Variants in WHRN observed in about 807,000 individuals in gnomAD.
The protein encoded by WHRN is CASK-interacting protein CIP98.
Under a neutral mutation model 68.3 loss-of-function variants are expected in WHRN, and 41 were observed. The observed-to-expected ratio is 0.60, with a 90% CI of 0.47 to 0.78. WHRN has a LOEUF of 0.78. Among genes scored for constraint, WHRN ranks in the 30% least tolerant of loss-of-function variants. The probability of loss-of-function intolerance (pLI) is 0.00; values close to 1 mark genes in which losing one functional copy is unlikely to be tolerated. For missense variants in WHRN, 1,243 were observed against 1,244.7 expected, an observed-to-expected ratio of 1.00 and a Z score of 0.02; for synonymous variants, 560 against 561.3, an observed-to-expected ratio of 1.00 and a Z score of 0.03.
At chr9:114,425,769 A>T (rs779878846) in intron 4 of WHRN, 6 of 265,590 alleles carry the variant, frequency 2.3e-5, no homozygotes, top group Non-Finnish European at 4.4e-5. Flanking sequence ...TGGCAACTGG[A>T]TCTCAGTTTA....
intron 7 of WHRN, among the ~76,000 whole-genome samples, chr9:114,417,565 C>A (rs1168919595): frequency 6.6e-6 from 1 of 152,196 alleles, no homozygotes; most frequent in East Asian, 1.9e-4. Flanking sequence ...GAGGTTAAAG[C>A]AATGTGACAA....
intron 9 of WHRN, among the ~76,000 whole-genome samples, chr9:114,404,578 C>T (rs1834890935): frequency 6.6e-6 from 1 of 151,990 alleles, no homozygotes; most frequent in South Asian, 2.1e-4. Flanking sequence ...GGGCACATGC[C>T]CTCCAGCCAC....
chr9:114,473,996 G>A (rs899113261), intron 2 of WHRN, among the ~76,000 whole-genome samples: 12 of 151,948 alleles, frequency 7.9e-5, no homozygotes, highest in African/African-American at 2.9e-4. Context: ...CAACACACTC[G>A]CCCTCCCATC....
rs562794539 is a variant in WHRN at position 114,487,208 on chromosome 9, T to TA, written c.619-8438dup. ...AAAAAATTTTTTTTTTTTTTTTGTC[T>TA]AACAAGAAATTCTGGGTACTGTAGA... On this transcript the variant is annotated intron_variant, in intron 1 of 11. Coordinates refer to ENST00000362057, the MANE Select transcript of WHRN (RefSeq NM_015404.4). Among the ~76,000 whole-genome samples, 816 of 148,630 alleles carry TA rather than the reference T, an allele frequency of 5.5e-3. 1 individual carries two copies. Among genetic ancestry groups the TA allele is most frequent in the Non-Finnish European group, 8.0e-3 (535 of 67,262 alleles).
intron 1 of WHRN, among the ~76,000 whole-genome samples, chr9:114,485,416 C>T (rs944661455): frequency 6.6e-6 from 1 of 152,212 alleles, no homozygotes; most frequent in Non-Finnish European, 1.5e-5. Flanking sequence ...GCTGGTCAGG[C>T]GCAGTGGCTC....
Position 114,408,038 on chromosome 9 carries a change from C to T in WHRN, c.1627-20G>A, listed in dbSNP as rs1307115740. The T allele has an allele frequency of 3.0e-5, 47 of 1,577,356 alleles. No homozygotes were observed. The highest frequency in any genetic ancestry group is 4.0e-5 in the Non-Finnish European group (46 of 1,157,898). On this transcript the variant is annotated intron_variant, in intron 7 of 11. Transcript: ENST00000362057. The stretch of plus-strand genomic sequence containing the variant: ...AGTGTTCTAGAAATGGACGAGAAAG[C>T]AAAGTGAGCAAACAGAAGCTGAGAA...
rs373081745 is a variant in WHRN, at chr9:114,491,356, AAAT to A, written c.619-12588_619-12586del. Among the ~76,000 whole-genome samples, 517 of 152,382 alleles carry A rather than the reference AAAT, an allele frequency of 3.4e-3. 3 individuals are homozygous for A. The highest frequency in any genetic ancestry group is 0.012 in the African/African-American group (485 of 41,588). ...AAAACCTACTCGGCCGATGTCTGAAAAATAATGATAGATTTGATGACACTGAAA... is the reference window on the plus strand; with the variant it reads ...AAAACCTACTCGGCCGATGTCTGAAAAATGATAGATTTGATGACACTGAAA... On this transcript the variant is annotated intron_variant, in intron 1 of 11. Coordinates refer to ENST00000362057, the MANE Select transcript of WHRN (RefSeq NM_015404.4).
intron 2 of WHRN, among the ~76,000 whole-genome samples, chr9:114,476,746 C>A (rs1238265297): frequency 1.3e-5 from 2 of 152,060 alleles, no homozygotes; most frequent in African/African-American, 2.4e-5. Flanking sequence ...GCTGGCTGGG[C>A]TGTGGTTGCC....
chr9:114,504,898 G>T lies in WHRN; in HGVS notation c.-97C>A, dbSNP rs1026192461. On this transcript the variant is annotated 5_prime_UTR_variant, in exon 1 of 12. Transcript: ENST00000362057. ...GCGCGACAGCTGGATCCCCGGGAGC[G>T]CGGAGACGACGGCTGGAGCCTGGGT... The T allele has an allele frequency of 2.3e-6, 3 of 1,322,694 alleles. No individual in the cohort carries two copies. The highest frequency in any genetic ancestry group is 3.1e-5 in the African/African-American group (2 of 64,386). 81.9% of individuals were successfully genotyped at this position (1,322,694 alleles called of 1,614,324 possible).
intron 1 of WHRN, among the ~76,000 whole-genome samples, chr9:114,491,987 C>A (rs1843012928): frequency 7.0e-6 from 1 of 142,198 alleles, no homozygotes. Context: ...GCGCTCACCC[C>A]AAAGTATTAA....
At chr9:114,503,967 C>T (rs1029864350) in intron 1 of WHRN, among the ~76,000 whole-genome samples, 1 of 151,918 alleles carries the variant, frequency 6.6e-6, no homozygotes, top group Non-Finnish European at 1.5e-5. Context: ...TTAAGCCTCA[C>T]AAAGGCAAGG....
chr9:114,422,339 C>T (rs910094833), intron 7 of WHRN, among the ~76,000 whole-genome samples: 1 of 152,232 alleles, frequency 6.6e-6, no homozygotes, highest in Non-Finnish European at 1.5e-5. Flanking sequence ...GCCAAGCCAG[C>T]TCTCCTGACC....
intron 2 of WHRN, 130 bp from the exon 3 acceptor site, chr9:114,466,522 G>T: frequency 7.5e-7 from 1 of 1,334,904 alleles, no homozygotes; most frequent in Non-Finnish European, 1.1e-6. Context: ...CCCAGGCCAA[G>T]GCCTGGAAGA....
chr9:114,403,308 A>C lies in WHRN; in HGVS notation c.2450T>G (p.Val817Gly). 1 of 1,614,048 alleles carries C rather than the reference A, an allele frequency of 6.2e-7. No homozygotes were observed. Among genetic ancestry groups the C allele is most frequent in the Non-Finnish European group, 8.5e-7 (1 of 1,180,022 alleles). Residue 817 changes from valine (V) to glycine (G), a missense_variant, in exon 11 of 12, where the codon GTC becomes GGC. Coordinates refer to ENST00000362057, the MANE Select transcript of WHRN (RefSeq NM_015404.4). ...PGLLEPTSTL[V>G]RVKKSAATLG... Reference sequence around the variant, plus strand: ...GGTGGCCGCACTTTTCTTCACACGGACCAGAGTGGACGTGGGCTCCAGAAG... The same window carrying C: ...GGTGGCCGCACTTTTCTTCACACGGCCCAGAGTGGACGTGGGCTCCAGAAG...
At chr9:114,415,323 T>C (rs1384448845) in intron 7 of WHRN, among the ~76,000 whole-genome samples, 2 of 150,826 alleles carry the variant, frequency 1.3e-5, no homozygotes, top group Non-Finnish European at 3.0e-5. Context: ...TACTCAAGAT[T>C]CTCCAGAGTA....
chr9:114,469,729 G>C (rs976256813), intron 2 of WHRN, among the ~76,000 whole-genome samples: 2 of 152,248 alleles, frequency 1.3e-5, no homozygotes, highest in African/African-American at 4.8e-5. Flanking sequence ...TGCCGCCGCT[G>C]TAACAAATCA....
At chr9:114,480,323 C>T (rs1309206791) in intron 1 of WHRN, among the ~76,000 whole-genome samples, 1 of 152,106 alleles carries the variant, frequency 6.6e-6, no homozygotes, top group Non-Finnish European at 1.5e-5. Flanking sequence ...ATAAACATAG[C>T]CTGTGTTAGG....
At position 114,461,909 on chromosome 9, in the gene WHRN, CTG is replaced by C. The variant is rs372002223; in HGVS notation, c.963+4356_963+4357del. 8.0e-4 allele frequency among the ~76,000 whole-genome samples: 122 copies of C among 152,298 alleles called. 1 individual carries two copies. In the East Asian group the frequency reaches 0.013, roughly 16 times the overall value. On this transcript the variant is annotated intron_variant, in intron 3 of 11. Coordinates refer to ENST00000362057, the MANE Select transcript of WHRN (RefSeq NM_015404.4). ...GAATATAAGCTGAGGAGGTCAGAGA[CTG>C]TGTCTGTCTTGCTCAGAAGCTGCAA...
intron 1 of WHRN, among the ~76,000 whole-genome samples, chr9:114,495,519 G>A (rs2133369483): frequency 6.6e-6 from 1 of 152,352 alleles, no homozygotes; most frequent in South Asian, 2.1e-4. Context: ...CACAATTTAA[G>A]AGCGAGAGAA....
Sources: allele counts gnomAD v4.1 joint callset (sites outside exome capture counted in the v4.1 genomes callset), GRCh38; gene constraint gnomAD v4.1.1; transcripts MANE v1.5; gene names NCBI Gene and HGNC (gene_info 2026-07-23, HGNC 2026-07-21).